SYT1: variants seen among roughly 807,000 people sequenced by gnomAD.
SYT1 encodes synaptotagmin-1.
SYT1 carries 8 observed loss-of-function variants against 44.8 expected under a neutral mutation model. The ratio of observed to expected loss-of-function variants is 0.18; its 90% confidence interval spans 0.10 to 0.32. The LOEUF is 0.32. Ranked by LOEUF, SYT1 falls within the 10% of genes least tolerant of loss-of-function variation. The pLI is 1.00. For synonymous variants in SYT1, 154 were observed against 188.8 expected (o/e 0.82, Z 1.51); for missense variants, 286 against 509.3 (o/e 0.56, Z 4.22).
intron 2 of SYT1, chr12:79,045,727 C>T (rs1472882353): frequency 6.6e-6 from 1 of 152,178 alleles, no homozygotes; most frequent in African/African-American, 2.4e-5. Flanking sequence ...GATAGATATG[C>T]ATGCAAAACC....
At chr12:79,321,260 C>T (rs545145635) in intron 8 of SYT1, among the ~76,000 whole-genome samples, 54 of 152,236 alleles carry the variant, frequency 3.5e-4, no homozygotes, top group African/African-American at 1.2e-3. Flanking sequence ...TGCCTTACTC[C>T]AAAGTGTGTG....
intron 9 of SYT1, among the ~76,000 whole-genome samples, chr12:79,431,208 G>A (rs77933853): frequency 6.6e-6 from 1 of 152,296 alleles, no homozygotes; most frequent in East Asian, 1.9e-4. Context: ...CTAGAATCTT[G>A]CAAAGAATTA....
intron 9 of SYT1, among the ~76,000 whole-genome samples, chr12:79,368,268 G>A (rs547672846): frequency 0.01 from 1,570 of 152,088 alleles, 30 homozygotes; most frequent in African/African-American, 0.036. Context: ...TGGTGTATAT[G>A]TGCCACATTT....
intron 1 of SYT1, among the ~76,000 whole-genome samples, chr12:78,964,834 C>T (rs191951713): frequency 1.7e-3 from 252 of 152,116 alleles, no homozygotes; most frequent in African/African-American, 5.9e-3. Flanking sequence ...TTTTCTTCTC[C>T]TCTTAGAAGA....
intron 9 of SYT1, among the ~76,000 whole-genome samples, chr12:79,356,172 G>A (rs1401284924): frequency 6.6e-6 from 1 of 151,392 alleles, no homozygotes; most frequent in African/African-American, 2.4e-5. Flanking sequence ...GGGTGTCTGG[G>A]AGAGACAACA....
At chr12:78,922,463 T>G (rs1459294044) in intron 1 of SYT1, among the ~76,000 whole-genome samples, 5 of 151,836 alleles carry the variant, frequency 3.3e-5, no homozygotes, top group Admixed American at 3.3e-4. Flanking sequence ...GAAAACATAT[T>G]ATAAAGTAAA....
chr12:78,893,772 C>T (rs1185466757), intron 1 of SYT1, among the ~76,000 whole-genome samples: 2 of 151,434 alleles, frequency 1.3e-5, no homozygotes, highest in Non-Finnish European at 3.0e-5. Context: ...AACCATGGTG[C>T]AGTGTTAATA....
intron 6 of SYT1, among the ~76,000 whole-genome samples, chr12:79,294,016 T>C (rs975834802): frequency 3.3e-5 from 5 of 152,136 alleles, no homozygotes; most frequent in African/African-American, 1.2e-4. Context: ...TCTTAATATA[T>C]AACATATTTT....
At chr12:79,385,313 A>G (rs953301701) in intron 9 of SYT1, among the ~76,000 whole-genome samples, 1 of 152,178 alleles carries the variant, frequency 6.6e-6, no homozygotes, top group African/African-American at 2.4e-5. Context: ...CATATGGAAA[A>G]AACTACTATC....
intron 3 of SYT1, among the ~76,000 whole-genome samples, chr12:79,168,837 G>A (rs574978525): frequency 8.6e-5 from 13 of 152,006 alleles, no homozygotes; most frequent in Non-Finnish European, 1.6e-4. Context: ...CTAATTTAAC[G>A]AGGCCTCAGT....
intron 4 of SYT1, among the ~76,000 whole-genome samples, chr12:79,273,843 T>TAAG (rs1442100936): frequency 6.6e-6 from 1 of 152,230 alleles, no homozygotes; most frequent in East Asian, 1.9e-4. Context: ...CCCAGCACTT[T>TAAG]GGAAGGCCGA....
intron 3 of SYT1, among the ~76,000 whole-genome samples, chr12:79,131,542 T>C (rs933717835): frequency 2.0e-5 from 3 of 152,288 alleles, no homozygotes; most frequent in African/African-American, 7.2e-5. Context: ...AGAGAAAATT[T>C]TGGGTCTCTG....
chr12:79,425,108 G>A (rs2136165654), intron 9 of SYT1, among the ~76,000 whole-genome samples: 1 of 151,750 alleles, frequency 6.6e-6, no homozygotes, highest in East Asian at 1.9e-4. Flanking sequence ...TTTCCTTCCA[G>A]TCTATGAAGG....
chr12:78,934,009 TC>T (rs1877898337), intron 1 of SYT1, among the ~76,000 whole-genome samples: 1 of 152,128 alleles, frequency 6.6e-6, no homozygotes, highest in African/African-American at 2.4e-5. Context: ...ATACAGTTAT[TC>T]CCTTTATTCA....
At chr12:79,010,139 T>C (rs1207414107) in intron 2 of SYT1, among the ~76,000 whole-genome samples, 15 of 152,174 alleles carry the variant, frequency 9.9e-5, no homozygotes, top group Non-Finnish European at 7.3e-5. Context: ...TCTTTCAATA[T>C]CTTCCTAGTA....
At chr12:79,301,338 GT>G (rs1273289195) in intron 8 of SYT1, among the ~76,000 whole-genome samples, 3 of 152,078 alleles carry the variant, frequency 2.0e-5, no homozygotes, top group Non-Finnish European at 4.4e-5. Flanking sequence ...ATTGTGCAAT[GT>G]TTTTTTCTGA....
chr12:79,019,702 A>G (rs1872058181), intron 2 of SYT1, among the ~76,000 whole-genome samples: 2 of 151,922 alleles, frequency 1.3e-5, no homozygotes, highest in African/African-American at 4.8e-5. Flanking sequence ...TTATTTATTT[A>G]TTTATTTTAC....
At chr12:79,105,956 A>G (rs571660789) in intron 3 of SYT1, among the ~76,000 whole-genome samples, 3 of 152,222 alleles carry the variant, frequency 2.0e-5, no homozygotes, top group South Asian at 4.1e-4. Context: ...GATTGAAGAC[A>G]TTGTAGAGGT....
At chr12:78,945,369 A>T (rs1478978414) in intron 1 of SYT1, among the ~76,000 whole-genome samples, 1 of 151,796 alleles carries the variant, frequency 6.6e-6, no homozygotes, top group Non-Finnish European at 1.5e-5. Context: ...AGCTATGCAC[A>T]CATATATATA....
Sources: allele counts gnomAD v4.1 joint callset (sites outside exome capture counted in the v4.1 genomes callset), GRCh38; gene constraint gnomAD v4.1.1; transcripts MANE v1.5; gene names NCBI Gene and HGNC (gene_info 2026-07-23, HGNC 2026-07-21).